PIK3C2G: variants seen among roughly 807,000 people sequenced by gnomAD.
The protein encoded by PIK3C2G is phosphatidylinositol 3-kinase C2 domain-containing subunit gamma.
A neutral mutation model predicts 181.1 loss-of-function variants in PIK3C2G; 168 were observed. That is an observed-to-expected ratio of 0.93 (90% CI 0.82 to 1.05). The LOEUF is 1.05. Among genes scored for constraint, PIK3C2G ranks in the 50% least tolerant of loss-of-function variants. The probability of loss-of-function intolerance (pLI) is 0.00; values close to 1 mark genes in which losing one functional copy is unlikely to be tolerated. For missense variants in PIK3C2G, 1,869 were observed against 1,732.8 expected, an observed-to-expected ratio of 1.08 and a Z score of -1.40; for synonymous variants, 573 against 592.2, an observed-to-expected ratio of 0.97 and a Z score of 0.47.
chr12:18,559,131 G>C (rs1162798518), intron 26 of PIK3C2G, among the ~76,000 whole-genome samples: 1 of 152,194 alleles, frequency 6.6e-6, no homozygotes, highest in Non-Finnish European at 1.5e-5. Flanking sequence ...CTGGCCTCCT[G>C]TGGAGAAAAG....
At chr12:18,663,059 A>G in the PIK3C2G span, among the ~76,000 whole-genome samples, 2 of 152,056 alleles carry the variant, frequency 1.3e-5, no homozygotes, top group African/African-American at 2.4e-5. Context: ...CAAAAGACAT[A>G]GATGGAAAAC....
At chr12:18,286,373 C>T (rs566296713) in intron 2 of PIK3C2G, among the ~76,000 whole-genome samples, 24 of 152,034 alleles carry the variant, frequency 1.6e-4, no homozygotes, top group African/African-American at 5.3e-4. Context: ...GATGACTAAA[C>T]GAACTGTGGA....
At chr12:18,371,975 A>G (rs979273993) in intron 13 of PIK3C2G, among the ~76,000 whole-genome samples, 3 of 152,178 alleles carry the variant, frequency 2.0e-5, no homozygotes, top group African/African-American at 7.2e-5. Flanking sequence ...GATAAAATTC[A>G]GGACTTTCAA....
chr12:18,449,702 T>C (rs1013881011), intron 18 of PIK3C2G, among the ~76,000 whole-genome samples: 11 of 152,214 alleles, frequency 7.2e-5, no homozygotes, highest in Admixed American at 4.6e-4. Flanking sequence ...CAGTCTATCA[T>C]TGATGGGCAT....
At chr12:18,596,887 G>T (rs1947396399) in intron 30 of PIK3C2G, among the ~76,000 whole-genome samples, 1 of 152,050 alleles carries the variant, frequency 6.6e-6, no homozygotes. Flanking sequence ...GAAAGGCCAA[G>T]CAGTGTAAGA....
the PIK3C2G span, chr12:18,701,833 A>G: frequency 3.3e-5 from 51 of 1,547,334 alleles, no homozygotes; most frequent in Admixed American, 6.2e-4. Context: ...TTGCATTGTA[A>G]CAGTCACTGA....
At chr12:18,692,659 A>G in the PIK3C2G span, 1 of 645,964 alleles carries the variant, frequency 1.5e-6, no homozygotes, top group East Asian at 2.8e-5. Flanking sequence ...GCAGGAGAAA[A>G]AAATCATTTC....
the PIK3C2G span, chr12:18,683,340 T>C: frequency 1.4e-5 from 22 of 1,610,230 alleles, no homozygotes; most frequent in Admixed American, 2.3e-4. Flanking sequence ...AAAGGAATTA[T>C]ATCTAATTAG....
chr12:18,679,722 C>T, the PIK3C2G span, among the ~76,000 whole-genome samples: 1 of 152,000 alleles, frequency 6.6e-6, no homozygotes, highest in African/African-American at 2.4e-5. Flanking sequence ...AGAAAAAAGA[C>T]TGCCCTGCGA....
At chr12:18,474,236 A>G (rs1224065911) in intron 18 of PIK3C2G, among the ~76,000 whole-genome samples, 1 of 152,162 alleles carries the variant, frequency 6.6e-6, no homozygotes, top group African/African-American at 2.4e-5. Flanking sequence ...AGGGGCCAAA[A>G]GTCACACAGC....
At chr12:18,515,991 T>C (rs1942512841) in intron 24 of PIK3C2G, among the ~76,000 whole-genome samples, 1 of 152,102 alleles carries the variant, frequency 6.6e-6, no homozygotes, top group East Asian at 1.9e-4. Context: ...ATACTAAATA[T>C]ATAAATGGCT....
At chr12:18,291,851 T>C (rs1949702515) in intron 4 of PIK3C2G, among the ~76,000 whole-genome samples, 4 of 150,758 alleles carry the variant, frequency 2.7e-5, no homozygotes, top group Admixed American at 1.3e-4. Context: ...AAGACCCTCT[T>C]GGTTGGAAAT....
intron 6 of PIK3C2G, among the ~76,000 whole-genome samples, 159 bp from the exon 7 acceptor site, chr12:18,320,803 A>G (rs1028238218): frequency 6.6e-6 from 1 of 152,276 alleles, no homozygotes; most frequent in Non-Finnish European, 1.5e-5. Context: ...TATATAGTTA[A>G]GGAGAGCCTT....
the PIK3C2G span, among the ~76,000 whole-genome samples, chr12:18,700,512 C>CAGAAAAAAA: frequency 1.5e-5 from 1 of 67,896 alleles, no homozygotes. Context: ...AGCCAACGTA[C>CAGAAAAAAA]AAAAAAAAAA....
chr12:18,378,015 T>C (rs1474722126), intron 13 of PIK3C2G, among the ~76,000 whole-genome samples: 1 of 152,164 alleles, frequency 6.6e-6, no homozygotes, highest in Non-Finnish European at 1.5e-5. Context: ...TGCATCACCA[T>C]TTGTTGATAC....
At chr12:18,365,756 A>C (rs1192142722) in intron 12 of PIK3C2G, among the ~76,000 whole-genome samples, 1 of 152,140 alleles carries the variant, frequency 6.6e-6, no homozygotes, top group African/African-American at 2.4e-5. Context: ...TATATCACTA[A>C]CCCAGCCATC....
At chr12:18,523,528 T>C (rs1943044650) in intron 24 of PIK3C2G, among the ~76,000 whole-genome samples, 1 of 152,198 alleles carries the variant, frequency 6.6e-6, no homozygotes, top group Non-Finnish European at 1.5e-5. Context: ...TGTAGGTGCC[T>C]CCTAGCATGG....
At chr12:18,477,964 G>T (rs570225386) in intron 18 of PIK3C2G, among the ~76,000 whole-genome samples, 6 of 152,280 alleles carry the variant, frequency 3.9e-5, no homozygotes, top group Non-Finnish European at 8.8e-5. Flanking sequence ...AGGCTGAGGG[G>T]TAAAGGGGAA....
chr12:18,660,930 T>C, the PIK3C2G span, among the ~76,000 whole-genome samples: 1 of 151,626 alleles, frequency 6.6e-6, no homozygotes, highest in Non-Finnish European at 1.5e-5. Flanking sequence ...AAACAAAGCA[T>C]GAACAAAATA....
Sources: gnomAD v4.1 joint callset for allele counts (sites outside exome capture counted in the v4.1 genomes callset) on GRCh38, gnomAD v4.1.1 for gene constraint, MANE v1.5 for transcripts, NCBI Gene and HGNC (gene_info 2026-07-23, HGNC 2026-07-21) for gene names.